Variants in PTPRS observed in about 807,000 individuals in gnomAD.
The protein encoded by PTPRS is protein tyrosine phosphatase receptor type S.
In PTPRS, 63 loss-of-function variants were observed where a neutral mutation model predicts 215.3. The observed-to-expected ratio is 0.29, with a 90% CI of 0.24 to 0.36. The LOEUF (loss-of-function observed/expected upper bound fraction) is 0.36, where lower values mean the gene tolerates loss of function less well. Ranked by LOEUF, PTPRS falls within the 10% of genes least tolerant of loss-of-function variation. The pLI, the probability that PTPRS is intolerant of heterozygous loss-of-function variation, is 1.00. For synonymous variants in PTPRS, 1,404 were observed against 1,191.4 expected (o/e 1.18, Z -3.68); for missense variants, 2,258 against 2,825.8 (o/e 0.80, Z 4.56).
At chr19:5,302,275 G>A (rs1028886024) in intron 1 of PTPRS, among the ~76,000 whole-genome samples, 3 of 152,046 alleles carry the variant, frequency 2.0e-5, no homozygotes, top group African/African-American at 7.2e-5. Flanking sequence ...GAGGCAGGAG[G>A]ATTGCTTGTG....
chr19:5,212,961 C>T (rs79648461), intron 30 of PTPRS, among the ~76,000 whole-genome samples: 2,638 of 152,216 alleles, frequency 0.017, 79 homozygotes, highest in African/African-American at 0.06. Flanking sequence ...TCACACACAA[C>T]GTGGCCAACT....
Position 5,210,919 on chromosome 19 carries a change from C to G in PTPRS, c.5235-114G>C. 2.9e-6 allele frequency: 4 copies of G among 1,386,646 alleles called. No homozygotes were observed. The Admixed American group carries it at 1.0e-4, about 35-fold the overall frequency. 85.9% of individuals were successfully genotyped at this position (1,386,646 alleles called of 1,614,324 possible). On this transcript the variant is annotated intron_variant, in intron 33 of 37. Coordinates refer to ENST00000262963, the MANE Select transcript of PTPRS (RefSeq NM_002850.4). This position sits in a 1 kb window ranked among gnomAD's most constrained non-coding sequence, Gnocchi z 4.5. ...CCAGTGACAGCTACACCTACCACCC[C>G]ACTGCCTGCCAGGAATGGCTGCTGG... is the stretch of plus-strand genomic sequence containing the variant.
rs1321700208 is a variant in PTPRS, at chr19:5,214,743, C to T, written c.4319-7G>A. ...TAATCACTGCCCATGATGCCTGCAG[C>T]CAGGGCGAGAGGCCAGGGATCTGTG... On this transcript the variant is annotated splice_polypyrimidine_tract_variant and splice_region_variant and intron_variant, in intron 28 of 37. Coordinates refer to ENST00000262963, the MANE Select transcript of PTPRS (RefSeq NM_002850.4). 8.2e-6 allele frequency: 13 copies of T among 1,593,556 alleles called. No individual in the cohort carries two copies. The highest frequency in any genetic ancestry group is 8.6e-6 in the Non-Finnish European group (10 of 1,164,936).
chr19:5,304,630 TA>T (rs1253979010), intron 1 of PTPRS, among the ~76,000 whole-genome samples: 1 of 151,906 alleles, frequency 6.6e-6, no homozygotes, highest in South Asian at 2.1e-4. Context: ...GTCTGGGTGA[TA>T]GGGGGAGACT....
chr19:5,247,816 G>A (rs1339818436), intron 9 of PTPRS, among the ~76,000 whole-genome samples: 2 of 151,934 alleles, frequency 1.3e-5, no homozygotes, highest in African/African-American at 4.8e-5. Context: ...TCCTGAATCC[G>A]GGCGGGAGGC....
At chr19:5,302,191 C>G (rs1183377095) in intron 1 of PTPRS, among the ~76,000 whole-genome samples, 1 of 151,880 alleles carries the variant, frequency 6.6e-6, no homozygotes, top group Non-Finnish European at 1.5e-5. Flanking sequence ...AAGAGAGACC[C>G]CCGTCTCTAA....
intron 17 of PTPRS, among the ~76,000 whole-genome samples, chr19:5,225,081 C>G (rs772956117): frequency 3.1e-4 from 47 of 151,980 alleles, no homozygotes; most frequent in Non-Finnish European, 3.7e-4. Context: ...TTCACGGCAG[C>G]CTCTTTTTCT....
At position 5,256,922 on chromosome 19, in the gene PTPRS, G is replaced by C. The variant is rs183457234; in HGVS notation, c.707-803C>G. Among the ~76,000 whole-genome samples the C allele has an allele frequency of 6.1e-4, 92 of 152,058 alleles. No individual in the cohort carries two copies. The East Asian group carries it at 0.016, about 26-fold the overall frequency. ...CGGCCTCCTGGATGGAGAACAACTA[G>C]GGCTTGGTACTTCGCATGGGGGAAA... On this transcript the variant is annotated intron_variant, in intron 8 of 37. Coordinates refer to ENST00000262963, the MANE Select transcript of PTPRS (RefSeq NM_002850.4).
At chr19:5,273,352 G>A (rs377204712) in intron 4 of PTPRS, 90 bp downstream of exon 4, 11 of 1,584,722 alleles carry the variant, frequency 6.9e-6, no homozygotes, top group East Asian at 4.5e-5. Context: ...AAGCAGGAGG[G>A]TTTGGGGTAA....
At chr19:5,298,864 T>C (rs1292279981) in intron 1 of PTPRS, among the ~76,000 whole-genome samples, 1 of 152,226 alleles carries the variant, frequency 6.6e-6, no homozygotes, top group Non-Finnish European at 1.5e-5. Context: ...ATAGCAGCTC[T>C]GTCCTTCCAG....
In PTPRS at chr19:5,206,736, C is replaced by T. The variant is rs749019559; in HGVS notation, c.*38G>A. ...TCCGCCCGGGAGGGGCAGAGGCATC[C>T]GGGGCCAGTGGTGTCGGGCCTGGGG... On this transcript the variant is annotated 3_prime_UTR_variant, in exon 38 of 38. Coordinates refer to ENST00000262963, the MANE Select transcript of PTPRS (RefSeq NM_002850.4). 91 of 1,595,400 alleles carry T rather than the reference C, an allele frequency of 5.7e-5. No homozygotes were observed. Among genetic ancestry groups the T allele is most frequent in the Middle Eastern group, 1.7e-4 (1 of 6,034 alleles).
chr19:5,336,146 C>T (rs1367021948), intron 1 of PTPRS, among the ~76,000 whole-genome samples: 4 of 151,854 alleles, frequency 2.6e-5, no homozygotes, highest in Non-Finnish European at 5.9e-5. Flanking sequence ...ATTCCCCACA[C>T]ACAACCCCCT....
Position 5,231,294 on chromosome 19 carries a change from T to C in PTPRS, c.2155+16A>G. ...TGGGGCCTGCGGGGGGTCCCGGGCC[T>C]GGGGCAGGTACTTACCATCCTCGTC... On this transcript the variant is annotated intron_variant, in intron 14 of 37. Coordinates refer to ENST00000262963, the MANE Select transcript of PTPRS (RefSeq NM_002850.4). The C allele has an allele frequency of 6.3e-7, 1 of 1,587,424 alleles. No homozygotes were observed. The highest frequency in any genetic ancestry group is 8.6e-7 in the Non-Finnish European group (1 of 1,169,068).
chr19:5,246,866 ACAT>A (rs1485875404), intron 9 of PTPRS, among the ~76,000 whole-genome samples: 2 of 151,986 alleles, frequency 1.3e-5, no homozygotes, highest in Non-Finnish European at 2.9e-5. Flanking sequence ...TGAGTCACAA[ACAT>A]CATGCAAAAT....
intron 11 of PTPRS, among the ~76,000 whole-genome samples, chr19:5,243,503 G>A (rs1194991127): frequency 6.7e-6 from 1 of 150,258 alleles, no homozygotes; most frequent in Non-Finnish European, 1.5e-5. Flanking sequence ...TTTTTGAGGT[G>A]GAGTCTCACT....
rs770695624 is a variant in PTPRS at position 5,258,134 on chromosome 19, G to A, written c.596-7C>T. ...CTTTCAATCTGCAGGGCTCCTGTGG[G>A]AAGATGGGAAAAAGCTTGGTCTGTT... On this transcript the variant is annotated splice_polypyrimidine_tract_variant and splice_region_variant and intron_variant, in intron 7 of 37. Transcript: ENST00000262963. 1.1e-5 allele frequency: 17 copies of A among 1,612,138 alleles called. No homozygotes were observed. The South Asian group carries it at 1.3e-4, about 12-fold the overall frequency.
chr19:5,239,881 G>A (rs1033031902), intron 12 of PTPRS, among the ~76,000 whole-genome samples: 9 of 152,152 alleles, frequency 5.9e-5, no homozygotes, highest in African/African-American at 1.7e-4. Context: ...CGGAGGGATG[G>A]AGAGTGAGCG....
rs998693018 is a variant in PTPRS at position 5,279,057 on chromosome 19, A to G, written c.92-4713T>C. On this transcript the variant is annotated intron_variant, in intron 2 of 37. Transcript: ENST00000262963. ...AAAAATCAGCCAGGCGTGGTGGTGC[A>G]TGCCTGTAATCCCCGCTACTCAGGA... Among the ~76,000 whole-genome samples, 5 of 151,730 alleles carry G rather than the reference A, an allele frequency of 3.3e-5. No homozygotes were observed. In the East Asian group the frequency reaches 9.9e-4, roughly 30 times the overall value.
intron 20 of PTPRS, 131 bp from the exon 21 acceptor site, chr19:5,220,484 T>C: frequency 6.5e-6 from 5 of 770,268 alleles, no homozygotes; most frequent in Middle Eastern, 5.7e-4. Flanking sequence ...TATTCCCCTA[T>C]GCCCCATCCA....
Sources: allele counts gnomAD v4.1 joint callset (sites outside exome capture counted in the v4.1 genomes callset), GRCh38; gene constraint gnomAD v4.1.1; non-coding constraint Gnocchi (gnomAD v3.1); transcripts MANE v1.5; gene names NCBI Gene and HGNC (gene_info 2026-07-23, HGNC 2026-07-21).